EYS: variants seen among roughly 807,000 people sequenced by gnomAD.
The protein encoded by EYS is protein eyes shut homolog.
In EYS, 250 loss-of-function variants were observed where a neutral mutation model predicts 282.1. The ratio of observed to expected loss-of-function variants is 0.89; its 90% CI spans 0.80 to 0.98. The LOEUF is 0.98. EYS is among the 50% of genes least tolerant of loss of function. The pLI, the probability that EYS is intolerant of heterozygous loss-of-function variation, is 0.00. For missense variants in EYS, 4,016 were observed against 3,709.0 expected (o/e 1.08, Z -2.15); for synonymous variants, 1,355 against 1,282.9 (o/e 1.06, Z -1.20).
At chr6:64,530,419 G>A (rs1347758476) in intron 26 of EYS, among the ~76,000 whole-genome samples, 1 of 151,788 alleles carries the variant, frequency 6.6e-6, no homozygotes, top group East Asian at 1.9e-4. Flanking sequence ...CAGGACATGT[G>A]TTCCTAGAGT....
chr6:64,038,746 G>A (rs1231375311), intron 33 of EYS, among the ~76,000 whole-genome samples: 1 of 150,958 alleles, frequency 6.6e-6, no homozygotes, highest in East Asian at 1.9e-4. Context: ...ACATTTTTAA[G>A]TGGTTTATTT....
At chr6:64,269,618 T>G (rs1014019475) in intron 30 of EYS, among the ~76,000 whole-genome samples, 1 of 152,086 alleles carries the variant, frequency 6.6e-6, no homozygotes, top group Non-Finnish European at 1.5e-5. Flanking sequence ...ATTGATACAT[T>G]AGATGTATAC....
At chr6:65,046,028 C>G (rs1329297456) in intron 13 of EYS, among the ~76,000 whole-genome samples, 3 of 151,888 alleles carry the variant, frequency 2.0e-5, no homozygotes, top group African/African-American at 7.2e-5. Context: ...CCCTCTTAAG[C>G]AACAGTTTTT....
intron 12 of EYS, among the ~76,000 whole-genome samples, chr6:65,151,403 T>C (rs1764609115): frequency 6.6e-6 from 1 of 151,980 alleles, no homozygotes; most frequent in Non-Finnish European, 1.5e-5. Flanking sequence ...TAACTCAACC[T>C]GTAGGAAGCT....
intron 5 of EYS, among the ~76,000 whole-genome samples, chr6:65,456,719 A>T (rs185846524): frequency 7.0e-6 from 1 of 143,752 alleles, no homozygotes; most frequent in African/African-American, 2.4e-5. Context: ...TCCCTTCATG[A>T]TAAAAAAAAA....
intron 12 of EYS, among the ~76,000 whole-genome samples, chr6:65,147,752 A>C (rs578133812): frequency 4.3e-4 from 66 of 152,204 alleles, no homozygotes; most frequent in African/African-American, 1.6e-3. Context: ...AGAAATACCC[A>C]AGACTGGGTA....
chr6:64,800,679 A>T (rs1456619057), intron 22 of EYS, among the ~76,000 whole-genome samples: 1 of 151,950 alleles, frequency 6.6e-6, no homozygotes, highest in African/African-American at 2.4e-5. Flanking sequence ...TTAAAACATT[A>T]ACAGCAGAAA....
chr6:65,246,805 C>T (rs1169450692), intron 12 of EYS, among the ~76,000 whole-genome samples: 1 of 152,052 alleles, frequency 6.6e-6, no homozygotes, highest in Admixed American at 6.6e-5. Flanking sequence ...AGCAGATAAT[C>T]CATTTGCAGG....
intron 2 of EYS, among the ~76,000 whole-genome samples, chr6:65,566,923 T>C (rs1270393787): frequency 6.6e-6 from 1 of 152,102 alleles, no homozygotes; most frequent in Non-Finnish European, 1.5e-5. Flanking sequence ...GAAACATAGG[T>C]TAAATTACTT....
Position 65,357,633 on chromosome 6 carries a change from TGAC to T in EYS, c.1300-4019_1300-4017del, listed in dbSNP as rs1351199779. On this transcript the variant is annotated intron_variant, in intron 8 of 42. Transcript: ENST00000503581. ...TATATGGTGGATAATATAAAACAAA[TGAC>T]AATACTTTGGTAATACTATTATGAA... Among the ~76,000 whole-genome samples, 11 of 152,140 alleles carry T rather than the reference TGAC, an allele frequency of 7.2e-5. No homozygotes were observed. In the South Asian group the frequency reaches 2.3e-3, roughly 31 times the overall value.
intron 31 of EYS, among the ~76,000 whole-genome samples, chr6:64,167,896 T>A (rs566199843): frequency 6.6e-6 from 1 of 152,298 alleles, no homozygotes; most frequent in East Asian, 1.9e-4. Flanking sequence ...ATATTTAACA[T>A]CATTTGTCAT....
intron 41 of EYS, among the ~76,000 whole-genome samples, chr6:63,756,425 C>T (rs780124524): frequency 3.3e-5 from 5 of 152,138 alleles, no homozygotes; most frequent in Non-Finnish European, 7.3e-5. Flanking sequence ...TGATGGTTTA[C>T]GTTTATTGAT....
chr6:63,966,869 A>G (rs1766335560), intron 35 of EYS, among the ~76,000 whole-genome samples: 1 of 152,206 alleles, frequency 6.6e-6, no homozygotes, highest in Non-Finnish European at 1.5e-5. Flanking sequence ...GCAATAATAC[A>G]GTGGTTTCCC....
intron 36 of EYS, among the ~76,000 whole-genome samples, chr6:63,827,282 T>TAATA (rs1202821216): frequency 6.6e-6 from 1 of 152,122 alleles, no homozygotes; most frequent in Non-Finnish European, 1.5e-5. Flanking sequence ...AAACAATTAC[T>TAATA]AATAGACCTA....
chr6:65,067,083 G>A (rs1011747834), intron 12 of EYS, among the ~76,000 whole-genome samples: 1 of 152,078 alleles, frequency 6.6e-6, no homozygotes, highest in Non-Finnish European at 1.5e-5. Context: ...TTAATAATCT[G>A]TGTCTGTTGG....
chr6:63,950,166 C>T (rs150489457), intron 35 of EYS, among the ~76,000 whole-genome samples: 1,604 of 150,228 alleles, frequency 0.011, 24 homozygotes, highest in African/African-American at 0.037. Context: ...AATGAGACTC[C>T]GTCTCAAAAA....
chr6:63,877,103 G>T (rs1772994337), intron 35 of EYS, among the ~76,000 whole-genome samples: 1 of 152,154 alleles, frequency 6.6e-6, no homozygotes, highest in Non-Finnish European at 1.5e-5. Context: ...GCAGCGGCTG[G>T]TACTGGTTGT....
At chr6:64,792,604 A>G (rs1386099918) in intron 22 of EYS, among the ~76,000 whole-genome samples, 2 of 152,026 alleles carry the variant, frequency 1.3e-5, no homozygotes, top group East Asian at 1.9e-4. Context: ...TATAACAAAG[A>G]TATGATTAAT....
At chr6:64,327,711 A>G (rs1012475658) in intron 29 of EYS, among the ~76,000 whole-genome samples, 1 of 152,198 alleles carries the variant, frequency 6.6e-6, no homozygotes, top group Non-Finnish European at 1.5e-5. Context: ...GCAAGGCATC[A>G]GTAAAAGAAA....
Sources: allele counts gnomAD v4.1 joint callset (sites outside exome capture counted in the v4.1 genomes callset), GRCh38; gene constraint gnomAD v4.1.1; transcripts MANE v1.5; gene names NCBI Gene and HGNC (gene_info 2026-07-23, HGNC 2026-07-21).